Variants in HS2ST1 observed in about 807,000 individuals in gnomAD.
HS2ST1 encodes 2-O-sulfotransferase.
Under a neutral mutation model 42.9 loss-of-function variants are expected in HS2ST1, and 18 were observed. That is an observed-to-expected ratio of 0.42 (90% CI 0.29 to 0.62). The LOEUF (loss-of-function observed/expected upper bound fraction) is 0.62, where lower values mean the gene tolerates loss of function less well. Among genes scored for constraint, HS2ST1 ranks in the 20% least tolerant of loss-of-function variants. HS2ST1 has a pLI of 0.21. For missense variants in HS2ST1, 334 were observed against 433.8 expected (o/e 0.77, Z 2.04); for synonymous variants, 146 against 152.9 (o/e 0.95, Z 0.33).
chr1:86,981,061 G>A (rs1425143703), intron 1 of HS2ST1, among the ~76,000 whole-genome samples: 2 of 152,248 alleles, frequency 1.3e-5, no homozygotes, highest in East Asian at 1.9e-4. Flanking sequence ...AAGGCGAAGG[G>A]GAGGAAAGCA....
intron 1 of HS2ST1, among the ~76,000 whole-genome samples, chr1:86,988,336 G>A (rs1004159669): frequency 3.9e-5 from 6 of 152,150 alleles, no homozygotes; most frequent in Admixed American, 1.3e-4. Context: ...TGTTGTCCCC[G>A]CTACCGTCCC....
chr1:86,964,483 C>T (rs533576243), intron 1 of HS2ST1, among the ~76,000 whole-genome samples: 367 of 152,338 alleles, frequency 2.4e-3, no homozygotes, highest in African/African-American at 8.2e-3. Flanking sequence ...CAAAAAAATA[C>T]GAAAACCAGT....
At chr1:86,950,924 A>G (rs1647495364) in intron 1 of HS2ST1, among the ~76,000 whole-genome samples, 1 of 152,072 alleles carries the variant, frequency 6.6e-6, no homozygotes, top group East Asian at 1.9e-4. Context: ...CGGCTACATG[A>G]TTGCAATAGA....
intron 1 of HS2ST1, among the ~76,000 whole-genome samples, chr1:86,987,182 G>A (rs1046885447): frequency 1.3e-5 from 2 of 148,984 alleles, no homozygotes; most frequent in East Asian, 4.0e-4. Flanking sequence ...TGATTCTCCT[G>A]CCTCAGCCCT....
intron 1 of HS2ST1, among the ~76,000 whole-genome samples, chr1:87,011,692 T>C (rs1557514835): frequency 6.6e-6 from 1 of 152,240 alleles, no homozygotes; most frequent in Non-Finnish European, 1.5e-5. Context: ...CCTAACAAAA[T>C]CAGCATAATT....
At chr1:86,982,546 G>A (rs1348585945) in intron 1 of HS2ST1, among the ~76,000 whole-genome samples, 1 of 151,810 alleles carries the variant, frequency 6.6e-6, no homozygotes, top group African/African-American at 2.4e-5. Flanking sequence ...ATGGAGTCTT[G>A]CTGTGTCGCC....
chr1:86,969,772 A>C (rs931631104), intron 1 of HS2ST1, among the ~76,000 whole-genome samples: 4 of 151,870 alleles, frequency 2.6e-5, no homozygotes, highest in Non-Finnish European at 5.9e-5. Context: ...TTGGCTTTTT[A>C]CTTTTAGCAG....
chr1:86,941,773 T>A (rs931667053), intron 1 of HS2ST1, among the ~76,000 whole-genome samples: 1 of 152,088 alleles, frequency 6.6e-6, no homozygotes, highest in African/African-American at 2.4e-5. Flanking sequence ...AGAATCCATC[T>A]CAAAAAAACA....
intron 1 of HS2ST1, among the ~76,000 whole-genome samples, chr1:86,988,898 G>A (rs1217358098): frequency 6.6e-6 from 1 of 152,152 alleles, no homozygotes. Context: ...AGTGAGTCTC[G>A]AACATTACAT....
intron 1 of HS2ST1, among the ~76,000 whole-genome samples, chr1:86,988,906 C>A (rs1198502605): frequency 6.6e-6 from 1 of 152,210 alleles, no homozygotes; most frequent in Non-Finnish European, 1.5e-5. Context: ...TCGAACATTA[C>A]ATGCAAATGC....
At chr1:87,045,294 C>G in intron 1 of HS2ST1, 3 of 1,125,246 alleles carry the variant, frequency 2.7e-6, no homozygotes, top group Non-Finnish European at 4.1e-6. Flanking sequence ...AGGAAGTAAT[C>G]TGCTTGAAGC....
At chr1:87,043,658 C>T (rs895516219) in intron 1 of HS2ST1, among the ~76,000 whole-genome samples, 1 of 151,902 alleles carries the variant, frequency 6.6e-6, no homozygotes, top group Non-Finnish European at 1.5e-5. Context: ...TGTTTGGAAC[C>T]GAAATAACAT....
chr1:87,064,291 CTT>C (rs1347896372), intron 1 of HS2ST1, among the ~76,000 whole-genome samples: 1 of 152,152 alleles, frequency 6.6e-6, no homozygotes. Flanking sequence ...ATAAATAAAA[CTT>C]AGGGCAACTC....
intron 1 of HS2ST1, among the ~76,000 whole-genome samples, chr1:86,941,228 A>G (rs995969983): frequency 2.6e-5 from 4 of 152,078 alleles, no homozygotes; most frequent in Non-Finnish European, 5.9e-5. Context: ...TAGTGCTGTG[A>G]CACTTTCCCT....
chr1:86,927,937 C>G (rs1197068977), intron 1 of HS2ST1, among the ~76,000 whole-genome samples: 1 of 152,030 alleles, frequency 6.6e-6, no homozygotes, highest in Non-Finnish European at 1.5e-5. Context: ...GTCTGAGTCT[C>G]CATAGCTTGT....
In HS2ST1 at chr1:87,015,299, G is replaced by A. The variant is rs767250095; in HGVS notation, c.125-57635G>A. On this transcript the variant is annotated intron_variant, in intron 1 of 6. Transcript: ENST00000370550. ...TTGACCTCATGATCTGCTCGCCTTGGCCTCCCAAAGTGCTGGGATTACAGG... is the reference window on the plus strand; with the variant it reads ...TTGACCTCATGATCTGCTCGCCTTGACCTCCCAAAGTGCTGGGATTACAGG... Among the ~76,000 whole-genome samples the A allele has an allele frequency of 5.3e-5, 8 of 149,752 alleles. No individual in the cohort carries two copies. In the East Asian group the frequency reaches 9.7e-4, roughly 18 times the overall value.
At chr1:87,034,269 A>C (rs972121314) in intron 1 of HS2ST1, among the ~76,000 whole-genome samples, 2 of 152,224 alleles carry the variant, frequency 1.3e-5, no homozygotes, top group Admixed American at 1.3e-4. Context: ...ATATAATATT[A>C]CAAGAGAATA....
At chr1:87,087,633 A>G (rs995809667) in intron 3 of HS2ST1, among the ~76,000 whole-genome samples, 1 of 152,078 alleles carries the variant, frequency 6.6e-6, no homozygotes, top group Admixed American at 6.6e-5. Flanking sequence ...ATTAGTTAAT[A>G]TATAGAGTCA....
chr1:87,043,059 A>C (rs1421418648), intron 1 of HS2ST1, among the ~76,000 whole-genome samples: 2 of 152,138 alleles, frequency 1.3e-5, no homozygotes, highest in Non-Finnish European at 2.9e-5. Context: ...CCAGAGAAAT[A>C]ACAGACACAT....
Sources: gnomAD v4.1 joint callset for allele counts (sites outside exome capture counted in the v4.1 genomes callset) on GRCh38, gnomAD v4.1.1 for gene constraint, MANE v1.5 for transcripts, NCBI Gene and HGNC (gene_info 2026-07-23, HGNC 2026-07-21) for gene names.